TSSK6: variants seen among roughly 807,000 people sequenced by gnomAD.
TSSK6 encodes testis specific serine kinase 6.
Under a neutral mutation model 8.5 loss-of-function variants are expected in TSSK6, and 9 were observed. The ratio of observed to expected loss-of-function variants is 1.06; its 90% CI spans 0.64 to 1.85. TSSK6 has a LOEUF of 1.85. Among genes scored for constraint, TSSK6 ranks in the 40% most tolerant of loss-of-function variants. The probability of loss-of-function intolerance (pLI) is 0.00; values close to 1 mark genes in which losing one functional copy is unlikely to be tolerated. For missense variants in TSSK6, 311 were observed against 391.5 expected, an observed-to-expected ratio of 0.79 and a Z score of 1.73; for synonymous variants, 202 against 182.4, an observed-to-expected ratio of 1.11 and a Z score of -0.86.
In TSSK6 at chr19:19,515,383, G is replaced by A. The variant is rs2144632732; in HGVS notation, c.45C>T (p.Gly15=). Residue 15 remains glycine (G), a synonymous_variant, in exon 1 of 1, where the codon GGC becomes GGT. Transcript: ENST00000585580. ...KLLSELGYKL[G]RTIGEGSYSK... ...AGTAGCTGCCCTCTCCAATTGTGCG[G>A]CCCAGCTTATAACCGAGTTCGCTCA... The A allele has an allele frequency of 6.2e-7, 1 of 1,609,928 alleles. No individual in the cohort carries two copies. Among genetic ancestry groups the A allele is most frequent in the Non-Finnish European group, 8.5e-7 (1 of 1,176,612 alleles).
rs779758708 is a variant in TSSK6, at chr19:19,515,178, C to G, written c.250G>C (p.Gly84Arg). 1.9e-6 allele frequency: 3 copies of G among 1,608,410 alleles called. No homozygotes were observed. Among genetic ancestry groups the G allele is most frequent in the Non-Finnish European group, 2.5e-6 (3 of 1,179,928 alleles). The stretch of plus-strand genomic sequence containing the variant: ...GCTTCCATCACGATGTACAGTTTCC[C>G]GTTGCACACCTCGATGAACTCGAAG... Reference protein sequence around the residue: ...HVFEFIEVCNGKLYIVMEAAA... With the variant: ...HVFEFIEVCNRKLYIVMEAAA... The change falls in exon 1 of 1, where the codon GGG (glycine) becomes CGG (arginine). Residue 84 changes from glycine to arginine, a missense_variant. By Grantham distance (125) the Gly-to-Arg change is moderately radical. Transcript: ENST00000585580.
In TSSK6 at chr19:19,514,701, G is replaced by C; in HGVS notation, c.727C>G (p.Leu243Val). 1 of 1,601,422 alleles carries C rather than the reference G, an allele frequency of 6.2e-7. No homozygotes were observed. The highest frequency in any genetic ancestry group is 8.5e-7 in the Non-Finnish European group (1 of 1,179,494). ...CTGAACTGCAGCAGCTCGGCGATCA[G>C]GGCCTTGCAGCGCTCGGACAGCTCG... is the stretch of plus-strand genomic sequence containing the variant. ...GLELSERCKA[L>V]IAELLQFSPS... Residue 243 changes from leucine (L) to valine (V), a missense_variant, in exon 1 of 1, where the codon CTG becomes GTG. By Grantham distance (32) the Leu-to-Val change is conservative. Transcript: ENST00000585580.
At position 19,514,485 on chromosome 19, in the gene TSSK6, A is replaced by G. The variant is rs572721533; in HGVS notation, c.*121T>C. The G allele has an allele frequency of 2.0e-4, 200 of 981,876 alleles. 1 individual carries two copies. In the South Asian group the frequency reaches 3.4e-3, roughly 17 times the overall value. 60.8% of individuals were successfully genotyped at this position (981,876 alleles called of 1,614,324 possible). A position where few individuals can be genotyped will look rare whatever the true frequency, so the allele number is the denominator to read the frequency against. ...GAAGAAAGGGAGGGAAGCGGAAGGG[A>G]AAAAGCGCATGTGCAGCAGCACGCG... On this transcript the variant is annotated 3_prime_UTR_variant, in exon 1 of 1. Transcript: ENST00000585580.
At position 19,514,527 on chromosome 19, in the gene TSSK6, C is replaced by T. The variant is rs1321904990; in HGVS notation, c.*79G>A. On this transcript the variant is annotated 3_prime_UTR_variant, in exon 1 of 1. Transcript: ENST00000585580. ...CAGCACGCGGCAGCTTCGCATATTC[C>T]CTCGAAGCGCGCCTCTTGCGCGTGC... 19 of 1,302,938 alleles carry T rather than the reference C, an allele frequency of 1.5e-5. No homozygotes were observed. The highest frequency in any genetic ancestry group is 1.8e-5 in the Non-Finnish European group (18 of 977,546). 80.7% of individuals were successfully genotyped at this position (1,302,938 alleles called of 1,614,324 possible).
Position 19,514,505 on chromosome 19 carries a change from C to A in TSSK6, c.*101G>T. The A allele has an allele frequency of 8.8e-7, 1 of 1,131,602 alleles. No individual in the cohort carries two copies. The highest frequency in any genetic ancestry group is 1.2e-6 in the Non-Finnish European group (1 of 823,814). 70.1% of individuals were successfully genotyped at this position (1,131,602 alleles called of 1,614,324 possible). Reference sequence around the variant, plus strand: ...AAGGGAAAAAGCGCATGTGCAGCAGCACGCGGCAGCTTCGCATATTCCCTC... The same window carrying A: ...AAGGGAAAAAGCGCATGTGCAGCAGAACGCGGCAGCTTCGCATATTCCCTC... On this transcript the variant is annotated 3_prime_UTR_variant, in exon 1 of 1. Coordinates refer to ENST00000585580, the MANE Select transcript of TSSK6 (RefSeq NM_032037.4).
In TSSK6 at chr19:19,514,714, C is replaced by T; in HGVS notation, c.714G>A (p.Glu238=). 6.2e-7 allele frequency: 1 copy of T among 1,602,046 alleles called. No homozygotes were observed. Among genetic ancestry groups the T allele is most frequent in the South Asian group, 1.1e-5 (1 of 91,068 alleles). The change falls in exon 1 of 1, where the codon GAG becomes GAA. Residue 238 remains glutamate, a synonymous_variant. Transcript: ENST00000585580. Reference sequence around the variant, plus strand: ...GCTCGGCGATCAGGGCCTTGCAGCGCTCGGACAGCTCGAGGCCTTCGGGAT... The same window carrying T: ...GCTCGGCGATCAGGGCCTTGCAGCGTTCGGACAGCTCGAGGCCTTCGGGAT... The part of the protein sequence containing the change: ...VLYPEGLELS[E]RCKALIAELL...
rs1260238399 is a variant in TSSK6, at chr19:19,514,773, C to T, written c.655G>A (p.Gly219Ser). The T allele has an allele frequency of 1.2e-6, 2 of 1,602,128 alleles. No homozygotes were observed. The highest frequency in any genetic ancestry group is 1.7e-6 in the Non-Finnish European group (2 of 1,179,522). The change falls in exon 1 of 1, where the codon GGC (glycine) becomes AGC (serine). Residue 219 changes from glycine to serine, a missense_variant. Coordinates refer to ENST00000585580, the MANE Select transcript of TSSK6 (RefSeq NM_032037.4). ...CCGCGTTTCTGGCGCCGGGGCAGGC[C>T]GGCGATGTCCGAGTCGTCGAAGGGC... ...CMPFDDSDIA[G>S]LPRRQKRGVL...
chr19:19,514,450 TC>T lies in TSSK6; in HGVS notation c.*155del. On this transcript the variant is annotated 3_prime_UTR_variant, in exon 1 of 1. Coordinates refer to ENST00000585580, the MANE Select transcript of TSSK6 (RefSeq NM_032037.4). ...ATTCCGAACAAGGGCAACTGCGGAC[TC>T]CCCCGTGGGAAGAAAGGGAGGGAAG... The T allele has an allele frequency of 2.7e-6, 2 of 744,768 alleles. No homozygotes were observed. The highest frequency in any genetic ancestry group is 4.2e-6 in the Non-Finnish European group (2 of 474,748). 46.1% of individuals were successfully genotyped at this position (744,768 alleles called of 1,614,324 possible).
Position 19,514,767 on chromosome 19 carries a change from G to A in TSSK6, c.661C>T (p.Pro221Ser). The A allele has an allele frequency of 3.7e-6, 6 of 1,602,220 alleles. No homozygotes were observed. Among genetic ancestry groups the A allele is most frequent in the Non-Finnish European group, 5.1e-6 (6 of 1,179,538 alleles). The part of the protein sequence containing the change: ...PFDDSDIAGL[P>S]RRQKRGVLYP... Reference sequence around the variant, plus strand: ...AGCACGCCGCGTTTCTGGCGCCGGGGCAGGCCGGCGATGTCCGAGTCGTCG... The same window carrying A: ...AGCACGCCGCGTTTCTGGCGCCGGGACAGGCCGGCGATGTCCGAGTCGTCG... The change falls in exon 1 of 1, where the codon CCC becomes TCC. Residue 221 changes from proline to serine, a missense_variant. Physicochemically the swap from Pro to Ser is moderately conservative, Grantham distance 74 (BLOSUM62 -1). Coordinates refer to ENST00000585580, the MANE Select transcript of TSSK6 (RefSeq NM_032037.4).
chr19:19,515,200 G>C lies in TSSK6; in HGVS notation c.228C>G (p.Phe76Leu). 4.3e-6 allele frequency: 7 copies of C among 1,610,516 alleles called. No homozygotes were observed. Among genetic ancestry groups the C allele is most frequent in the Non-Finnish European group, 5.9e-6 (7 of 1,179,964 alleles). ...TCCCGTTGCACACCTCGATGAACTC[G>C]AAGACGTGCACGATGTGCGGGTGTC... Reference protein sequence around the residue: ...GVRHPHIVHVFEFIEVCNGKL... With the variant: ...GVRHPHIVHVLEFIEVCNGKL... Residue 76 changes from phenylalanine to leucine, a missense_variant, in exon 1 of 1, where the codon TTC becomes TTG. Physicochemically the swap from Phe to Leu is conservative, Grantham distance 22. Coordinates refer to ENST00000585580, the MANE Select transcript of TSSK6 (RefSeq NM_032037.4).
rs746528190 is a variant in TSSK6, at chr19:19,515,447, G to C, written c.-20C>G. The C allele has an allele frequency of 6.4e-6, 10 of 1,569,948 alleles. No homozygotes were observed. In the South Asian group the frequency reaches 1.1e-4, roughly 17 times the overall value. The stretch of plus-strand genomic sequence containing the variant: ...CGACATGGTGGCGCCTAGGGCGCAC[G>C]GGGGGCAGGAGGCGGCTGCTGTCGG... On this transcript the variant is annotated 5_prime_UTR_variant, in exon 1 of 1. Transcript: ENST00000585580.
rs2061042675 is a variant in TSSK6 at position 19,515,473 on chromosome 19, G to A, written c.-46C>T. 1.3e-6 allele frequency: 2 copies of A among 1,533,838 alleles called. No individual in the cohort carries two copies. The highest frequency in any genetic ancestry group is 1.8e-6 in the Non-Finnish European group (2 of 1,130,792). On this transcript the variant is annotated 5_prime_UTR_variant, in exon 1 of 1. Transcript: ENST00000585580. ...GGGGGCAGGAGGCGGCTGCTGTCGGGGGGCGGCCGGACTCCAATCTCGGGT... is the reference window on the plus strand; with the variant it reads ...GGGGGCAGGAGGCGGCTGCTGTCGGAGGGCGGCCGGACTCCAATCTCGGGT...
In TSSK6 at chr19:19,515,027, C is replaced by T. The variant is rs2061039396; in HGVS notation, c.401G>A (p.Arg134His). The part of the protein sequence containing the change: ...RYLHDHHLVH[R>H]DLKCENVLLS... ...CAGCACGTTTTCGCACTTGAGGTCGCGGTGCACCAGGTGATGATCGTGCAG... is the reference window on the plus strand; with the variant it reads ...CAGCACGTTTTCGCACTTGAGGTCGTGGTGCACCAGGTGATGATCGTGCAG... Residue 134 changes from arginine (R) to histidine (H), a missense_variant, in exon 1 of 1, where the codon CGC becomes CAC. Coordinates refer to ENST00000585580, the MANE Select transcript of TSSK6 (RefSeq NM_032037.4). The T allele has an allele frequency of 6.2e-7, 1 of 1,611,188 alleles. No homozygotes were observed.
In TSSK6 at chr19:19,514,499, C is replaced by T; in HGVS notation, c.*107G>A. 3.7e-6 allele frequency: 4 copies of T among 1,090,060 alleles called. No individual in the cohort carries two copies. The South Asian group carries it at 6.6e-5, about 18-fold the overall frequency. 67.5% of individuals were successfully genotyped at this position (1,090,060 alleles called of 1,614,324 possible). ...AAGCGGAAGGGAAAAAGCGCATGTG[C>T]AGCAGCACGCGGCAGCTTCGCATAT... On this transcript the variant is annotated 3_prime_UTR_variant, in exon 1 of 1. Transcript: ENST00000585580.
rs754427271 is a variant in TSSK6, at chr19:19,514,712, C to G, written c.716G>C (p.Arg239Pro). ...CAGCTCGGCGATCAGGGCCTTGCAG[C>G]GCTCGGACAGCTCGAGGCCTTCGGG... ...LYPEGLELSE[R>P]CKALIAELLQ... The change falls in exon 1 of 1, where the codon CGC (arginine) becomes CCC (proline). Residue 239 changes from arginine to proline, a missense_variant. By Grantham distance (103) the Arg-to-Pro change is moderately radical. Coordinates refer to ENST00000585580, the MANE Select transcript of TSSK6 (RefSeq NM_032037.4). The G allele has an allele frequency of 1.2e-6, 2 of 1,601,908 alleles. No individual in the cohort carries two copies. Among genetic ancestry groups the G allele is most frequent in the East Asian group, 4.5e-5 (2 of 44,864 alleles).
Position 19,514,325 on chromosome 19 carries a change from C to A in TSSK6, c.*281G>T. The A allele has an allele frequency of 4.2e-6, 2 of 477,554 alleles. No homozygotes were observed. The highest frequency in any genetic ancestry group is 7.5e-6 in the Non-Finnish European group (2 of 267,518). 29.6% of individuals were successfully genotyped at this position (477,554 alleles called of 1,614,324 possible). ...AGAGGCTGAGAGTTCCGCGCAGGCGCAATGCTTCCGTCCCCTCTGGTCTCG... is the reference window on the plus strand; with the variant it reads ...AGAGGCTGAGAGTTCCGCGCAGGCGAAATGCTTCCGTCCCCTCTGGTCTCG... On this transcript the variant is annotated 3_prime_UTR_variant, in exon 1 of 1. Transcript: ENST00000585580.
In TSSK6 at chr19:19,514,567, G is replaced by A. The variant is rs1196997350; in HGVS notation, c.*39C>T. On this transcript the variant is annotated 3_prime_UTR_variant, in exon 1 of 1. Coordinates refer to ENST00000585580, the MANE Select transcript of TSSK6 (RefSeq NM_032037.4). ...CTTGCGCGTGCGCCGCCCTGGCCCA[G>A]TGCCCTTGGCTGCAGGAATGGCTGG... is the stretch of plus-strand genomic sequence containing the variant. The A allele has an allele frequency of 1.3e-6, 2 of 1,491,068 alleles. No individual in the cohort carries two copies. Among genetic ancestry groups the A allele is most frequent in the African/African-American group, 1.4e-5 (1 of 71,592 alleles). The allele number at this position is 1,491,068 out of a possible 1,614,324, so 92.4% of individuals were successfully genotyped here.
rs747925482 is a variant in TSSK6 at position 19,515,439 on chromosome 19, G to A, written c.-12C>T. 5 of 1,566,668 alleles carry A rather than the reference G, an allele frequency of 3.2e-6. No homozygotes were observed. The East Asian group carries it at 6.8e-5, about 21-fold the overall frequency. Reference sequence around the variant, plus strand: ...TTGTCTCCCGACATGGTGGCGCCTAGGGCGCACGGGGGGCAGGAGGCGGCT... The same window carrying A: ...TTGTCTCCCGACATGGTGGCGCCTAAGGCGCACGGGGGGCAGGAGGCGGCT... On this transcript the variant is annotated 5_prime_UTR_variant, in exon 1 of 1. Transcript: ENST00000585580.
At position 19,514,421 on chromosome 19, in the gene TSSK6, G is replaced by T. The variant is rs1282883427; in HGVS notation, c.*185C>A. 2.1e-5 allele frequency: 13 copies of T among 631,594 alleles called. No individual in the cohort carries two copies. The East Asian group carries it at 2.5e-4, about 12-fold the overall frequency. The allele number at this position is 631,594 out of a possible 1,614,324, so 39.1% of individuals were successfully genotyped here. A position where few individuals can be genotyped will look rare whatever the true frequency, so the allele number is the denominator to read the frequency against. On this transcript the variant is annotated 3_prime_UTR_variant, in exon 1 of 1. Transcript: ENST00000585580. ...TCCAGCTCCCGGGATCGCGGGGAACGTGGATTCCGAACAAGGGCAACTGCG... is the reference window on the plus strand; with the variant it reads ...TCCAGCTCCCGGGATCGCGGGGAACTTGGATTCCGAACAAGGGCAACTGCG...
Sources: gnomAD v4.1 joint callset for allele counts on GRCh38, gnomAD v4.1.1 for gene constraint, MANE v1.5 for transcripts, NCBI Gene and HGNC (gene_info 2026-07-23, HGNC 2026-07-21) for gene names.